Variants in BRWD1 observed in about 807,000 individuals in gnomAD.
BRWD1 encodes bromodomain and WD repeat domain containing 1.
Under a neutral mutation model 251.2 loss-of-function variants are expected in BRWD1, and 82 were observed. The ratio of observed to expected loss-of-function variants is 0.33; its 90% CI spans 0.27 to 0.39. The LOEUF is 0.39. Among genes scored for constraint, BRWD1 ranks in the 10% least tolerant of loss-of-function variants. The pLI is 1.00. For missense variants in BRWD1, 2,233 were observed against 2,711.6 expected (o/e 0.82, Z 3.92); for synonymous variants, 918 against 902.8 (o/e 1.02, Z -0.30).
chr21:39,258,511 T>C lies in BRWD1; in HGVS notation c.2047A>G (p.Asn683Asp). Residue 683 changes from asparagine (N) to aspartate (D), a missense_variant, in exon 18 of 41, where the codon AAT becomes GAT. Asn to Asp is a conservative substitution (Grantham distance 23, BLOSUM62 1). Around this residue, in one of 12 missense-constraint regions of BRWD1, gnomAD observed 73 missense variants for 68.1 expected, o/e 1.07. Coordinates refer to ENST00000342449, the MANE Select transcript of BRWD1 (RefSeq NM_033656.4). ...CCTCTCCGGGGTGTTTCTTCACCAT[T>C]TGAAAGTCCTCTTGGAATAGTATCC... Reference protein sequence around the residue: ...DQDTIPRGLSNGEETPRRGFR... With the variant: ...DQDTIPRGLSDGEETPRRGFR... 1.2e-6 allele frequency: 2 copies of C among 1,602,222 alleles called. No homozygotes were observed. Among genetic ancestry groups the C allele is most frequent in the South Asian group, 1.1e-5 (1 of 88,870 alleles).
At chr21:39,229,525 T>C (rs2033523966) in intron 25 of BRWD1, 89 bp from the exon 26 acceptor site, 10 of 1,281,578 alleles carry the variant, frequency 7.8e-6, no homozygotes, top group South Asian at 4.1e-5. Context: ...AGTAAACTCA[T>C]AATTTAGGCT....
upstream of BRWD1, chr21:39,314,604 CTA>C (rs1268770053): frequency 3.5e-5 from 12 of 343,182 alleles, no homozygotes; most frequent in Admixed American, 7.9e-5. Flanking sequence ...TCTGACCTAA[CTA>C]TGAGTTTCCT....
intron 22 of BRWD1, among the ~76,000 whole-genome samples, 172 bp from the exon 23 acceptor site, chr21:39,236,956 A>G (rs1460611791): frequency 1.3e-5 from 2 of 152,198 alleles, no homozygotes; most frequent in East Asian, 3.8e-4. Flanking sequence ...AAGTGACTAA[A>G]GATCATGACA....
chr21:39,313,613 C>CCGCCAT lies in BRWD1; in HGVS notation c.-123_-122insATGGCG. On this transcript the variant is annotated 5_prime_UTR_variant, in exon 1 of 41. In the 5' UTR this introduces an upstream ATG that the reference lacks. Coordinates refer to ENST00000342449, the MANE Select transcript of BRWD1 (RefSeq NM_033656.4). ...CGCGCCGCCGCCGCCGCCGCCGCCG[C>CCGCCAT]CATACCGTGCGCGCCGCCTGGACCG... The CCGCCAT allele has an allele frequency of 2.6e-6, 2 of 780,826 alleles. No individual in the cohort carries two copies. The highest frequency in any genetic ancestry group is 3.8e-5 in the East Asian group (1 of 26,096). The allele number at this position is 780,826 out of a possible 1,614,324, so 48.4% of individuals were successfully genotyped here. A position where few individuals can be genotyped will look rare whatever the true frequency, so the allele number is the denominator to read the frequency against.
chr21:39,225,252 T>C, intron 27 of BRWD1, 55 bp from the exon 28 acceptor site: 1 of 1,260,852 alleles, frequency 7.9e-7, no homozygotes, highest in Non-Finnish European at 1.1e-6. Flanking sequence ...TCATTAACAT[T>C]TTTTTAATCT....
At chr21:39,222,476 A>C (rs2033216767) in intron 29 of BRWD1, among the ~76,000 whole-genome samples, 1 of 152,232 alleles carries the variant, frequency 6.6e-6, no homozygotes, top group African/African-American at 2.4e-5. Context: ...TATTGCCAGA[A>C]GCTATGAAAA....
At position 39,202,439 on chromosome 21, in the gene BRWD1, T is replaced by C. The variant is rs1386573960; in HGVS notation, c.4471A>G (p.Lys1491Glu). The change falls in exon 38 of 41, where the codon AAG (lysine) becomes GAG (glutamate). Residue 1491 changes from lysine (K) to glutamate (E), a missense_variant. This residue lies in a region of BRWD1 where 928 missense variants were observed against 970.0 expected (regional missense o/e 0.96). Transcript: ENST00000342449. ...CCTGAAGAGATACCAGCACTTGTCTTGTGGGTTCCAAGATAAGCTGTCCTA... is the reference window on the plus strand; with the variant it reads ...CCTGAAGAGATACCAGCACTTGTCTCGTGGGTTCCAAGATAAGCTGTCCTA... ...SSRTAYLGTH[K>E]TSAGISSGVT... The C allele has an allele frequency of 6.2e-7, 1 of 1,614,076 alleles. No homozygotes were observed.
In BRWD1 at chr21:39,217,092, TTTTTTTTTTTTTTTA is replaced by T. The variant is rs1398467122; in HGVS notation, c.3659+1045_3659+1059del. On this transcript the variant is annotated intron_variant, in intron 31 of 40. Transcript: ENST00000342449. ...ATATATATATATATATATTTTTTTT[TTTTTTTTTTTTTTTA>T]ATTGCTTAGACAGGGTCTCACTCCA... The T allele has an allele frequency of 2.4e-3, 99 of 40,958 alleles. 1 individual carries two copies. The highest frequency in any genetic ancestry group is 0.01 in the African/African-American group (94 of 9,352). 2.5% of individuals were successfully genotyped at this position (40,958 alleles called of 1,614,324 possible).
rs138575800 is a variant in BRWD1, at chr21:39,311,622, T to C, written c.198+1219A>G. On this transcript the variant is annotated intron_variant, in intron 4 of 40. Coordinates refer to ENST00000342449, the MANE Select transcript of BRWD1 (RefSeq NM_033656.4). Reference sequence around the variant, plus strand: ...AAGAAAACTAAAAGAGGGCATCCTTTAAATGTTTCCTCAACGTTTACAAAA... The same window carrying C: ...AAGAAAACTAAAAGAGGGCATCCTTCAAATGTTTCCTCAACGTTTACAAAA... 1.6e-3 allele frequency among the ~76,000 whole-genome samples: 246 copies of C among 152,352 alleles called. 4 individuals are homozygous for C. Among genetic ancestry groups the C allele is most frequent in the Non-Finnish European group, 5.6e-4 (38 of 68,034 alleles).
intron 33 of BRWD1, among the ~76,000 whole-genome samples, chr21:39,213,065 A>T (rs2032731763): frequency 6.6e-6 from 1 of 152,168 alleles, no homozygotes; most frequent in South Asian, 2.1e-4. Flanking sequence ...TGTGTTCTAT[A>T]GTACAGGCAT....
In BRWD1 at chr21:39,236,705, G is replaced by A. The variant is rs1404541031; in HGVS notation, c.2656C>T (p.Arg886Ter). Residue 886 changes from arginine to a stop codon, truncating the protein, a stop_gained, in exon 23 of 41, where the codon CGA becomes TGA. Transcript: ENST00000342449. LOFTEE classifies it high-confidence loss of function. The stretch of plus-strand genomic sequence containing the variant: ...CTACTACAAAATCGAGTAATTCGTC[G>A]ACGACATGATGTTCTTAAAGGAGGC... ...LQPPLRTSCR[R>*]RITRFCSSSE... 6.2e-7 allele frequency: 1 copy of A among 1,613,826 alleles called. No homozygotes were observed. The highest frequency in any genetic ancestry group is 1.7e-5 in the Admixed American group (1 of 59,962).
At chr21:39,260,079 T>C (rs2034691849) in intron 17 of BRWD1, among the ~76,000 whole-genome samples, 1 of 152,148 alleles carries the variant, frequency 6.6e-6, no homozygotes, top group South Asian at 2.1e-4. Flanking sequence ...AAGAGCTAAA[T>C]GTTATATCTC....
rs1281449692 is a variant in BRWD1, at chr21:39,188,632, G to A, written c.*7627C>T. On this transcript the variant is annotated 3_prime_UTR_variant, in exon 41 of 41. Transcript: ENST00000342449. ...TTCTGTGGACTGACATGTTCATACA[G>A]CTAGACTAATGAGGCAGGCCTCTGC... 11 of 985,264 alleles carry A rather than the reference G, an allele frequency of 1.1e-5. No individual in the cohort carries two copies. The highest frequency in any genetic ancestry group is 1.2e-5 in the Non-Finnish European group (10 of 829,928). The allele number at this position is 985,264 out of a possible 1,614,324, so 61.0% of individuals were successfully genotyped here.
At chr21:39,244,686 A>T (rs1305806830) in intron 21 of BRWD1, among the ~76,000 whole-genome samples, 1 of 152,046 alleles carries the variant, frequency 6.6e-6, no homozygotes, top group African/African-American at 2.4e-5. Context: ...CTTACGTAAC[A>T]GTTTTCCCAA....
chr21:39,292,944 A>G (rs2035857546), intron 8 of BRWD1, among the ~76,000 whole-genome samples: 1 of 152,210 alleles, frequency 6.6e-6, no homozygotes, highest in Admixed American at 6.5e-5. Context: ...TTAAAAAGGA[A>G]TCTTTTCCTT....
intron 11 of BRWD1, among the ~76,000 whole-genome samples, chr21:39,276,689 G>A (rs951098445): frequency 3.3e-5 from 5 of 152,088 alleles, no homozygotes; most frequent in African/African-American, 1.2e-4. Context: ...CAGTACTTCA[G>A]AACACTGACA....
At chr21:39,218,743 G>C (rs1157006963) in intron 29 of BRWD1, 83 bp from the exon 30 acceptor site, 8 of 1,150,920 alleles carry the variant, frequency 7.0e-6, no homozygotes, top group Middle Eastern at 2.3e-4. Flanking sequence ...AATTTTCATA[G>C]CTTATAAAAC....
At chr21:39,212,052 TTA>T (rs2032685722) in intron 34 of BRWD1, among the ~76,000 whole-genome samples, 1 of 152,114 alleles carries the variant, frequency 6.6e-6, no homozygotes, top group South Asian at 2.1e-4. Context: ...ATCTCCATTG[TTA>T]AAAAAAGTTC....
intron 4 of BRWD1, among the ~76,000 whole-genome samples, chr21:39,305,656 A>G (rs2036261871): frequency 6.6e-6 from 1 of 152,116 alleles, no homozygotes; most frequent in South Asian, 2.1e-4. Context: ...CAAGGTCAAG[A>G]GATAGAGACC....
Sources: allele counts gnomAD v4.1 joint callset (sites outside exome capture counted in the v4.1 genomes callset), GRCh38; gene constraint gnomAD v4.1.1; regional missense constraint gnomAD v4.1.1; transcripts MANE v1.5; gene names NCBI Gene and HGNC (gene_info 2026-07-23, HGNC 2026-07-21).